NIPA2: variants seen among roughly 807,000 people sequenced by gnomAD.
NIPA2 encodes magnesium transporter NIPA2.
In NIPA2, 11 loss-of-function variants were observed where a neutral mutation model predicts 29.7. That is an observed-to-expected ratio of 0.37 (90% CI 0.23 to 0.61). The LOEUF is 0.61. Ranked by LOEUF, NIPA2 falls within the 20% of genes least tolerant of loss-of-function variation. The pLI, the probability that NIPA2 is intolerant of heterozygous loss-of-function variation, is 0.66. For missense variants in NIPA2, 426 were observed against 437.9 expected (o/e 0.97, Z 0.24); for synonymous variants, 183 against 161.9 (o/e 1.13, Z -0.99).
chr15:22,866,175 A>T (rs2059054840), intron 7 of NIPA2, 38 bp from the exon 8 acceptor site: 39 of 1,567,200 alleles, frequency 2.5e-5, no homozygotes, highest in Non-Finnish European at 3.4e-5. Context: ...AGAACAACCA[A>T]CCATTTGACT....
At position 22,867,916 on chromosome 15, in the gene NIPA2, C is replaced by T. The variant is rs1268532210; in HGVS notation, c.*1069C>T. 1 of 152,194 alleles carries T rather than the reference C, an allele frequency of 6.6e-6. No individual in the cohort carries two copies. Among genetic ancestry groups the T allele is most frequent in the East Asian group, 1.9e-4 (1 of 5,200 alleles). The allele number at this position is 152,194 out of a possible 1,614,324, so 9.4% of individuals were successfully genotyped here. On this transcript the variant is annotated 3_prime_UTR_variant, in exon 8 of 8. Transcript: ENST00000337451. ...GAAAAGGTAGAATAATAAAAAAGGT[C>T]TAATGAACTCCATTCAGCTTTGAAC...
rs538336307 is a variant in NIPA2, at chr15:22,851,675, G to A, written c.-57G>A. ...GCTTCATTCTGCCTCTAGTACCAGC[G>A]GTTTCTCTGTTCTGTGATCAATGTG... On this transcript the variant is annotated 5_prime_UTR_variant, in exon 4 of 8. Transcript: ENST00000337451. The A allele has an allele frequency of 9.6e-6, 14 of 1,463,482 alleles. No individual in the cohort carries two copies. The highest frequency in any genetic ancestry group is 2.3e-5 in the East Asian group (1 of 43,434). 90.7% of individuals were successfully genotyped at this position (1,463,482 alleles called of 1,614,324 possible).
At position 22,866,806 on chromosome 15, in the gene NIPA2, G is replaced by GAAA; in HGVS notation, c.1044_1046dup (p.Glu348_Asn349insLys). ...CTGTGGAATCGAACAACACACTGGT[G>GAAA]AAAATGTCTCCCGAAGAAATGGAAA... On this transcript the variant is annotated inframe_insertion, in exon 8 of 8. Coordinates refer to ENST00000337451, the MANE Select transcript of NIPA2 (RefSeq NM_030922.7). 9 of 1,602,864 alleles carry GAAA rather than the reference G, an allele frequency of 5.6e-6. No individual in the cohort carries two copies. Among genetic ancestry groups the GAAA allele is most frequent in the Non-Finnish European group, 7.7e-6 (9 of 1,173,752 alleles).
chr15:22,860,650 T>C lies in NIPA2; in HGVS notation c.309T>C (p.Phe103=). The C allele has an allele frequency of 6.3e-7, 1 of 1,576,894 alleles. No individual in the cohort carries two copies. The highest frequency in any genetic ancestry group is 8.6e-7 in the Non-Finnish European group (1 of 1,168,056). Residue 103 remains phenylalanine (F), a synonymous_variant, in exon 7 of 8, where the codon TTT becomes TTC. Transcript: ENST00000337451. Reference sequence around the variant, plus strand: ...TTAGTGCCATTCTTTCTTCATACTTTCTCAATGAAAGACTTAATCTTCATG... The same window carrying C: ...TTAGTGCCATTCTTTCTTCATACTTCCTCAATGAAAGACTTAATCTTCATG... ...VLVSAILSSY[F]LNERLNLHGK... is the part of the protein sequence containing the mutation.
chr15:22,855,772 G>A (rs1007396971), intron 5 of NIPA2, among the ~76,000 whole-genome samples: 15 of 152,100 alleles, frequency 9.9e-5, no homozygotes, highest in African/African-American at 2.9e-4. Flanking sequence ...TAAAGGAAGC[G>A]AGTGATCTGC....
At chr15:22,857,580 T>G (rs1366959355) in intron 5 of NIPA2, among the ~76,000 whole-genome samples, 2 of 151,856 alleles carry the variant, frequency 1.3e-5, no homozygotes, top group African/African-American at 4.8e-5. Context: ...CTCACGCCTA[T>G]AATCCCAGCA....
chr15:22,846,842 T>TAATAAG (rs149827404), intron 3 of NIPA2, among the ~76,000 whole-genome samples: 1 of 141,480 alleles, frequency 7.1e-6, no homozygotes, highest in Non-Finnish European at 1.5e-5. Flanking sequence ...ATAATAATAA[T>TAATAAG]TATTATTATT....
intron 2 of NIPA2, among the ~76,000 whole-genome samples, chr15:22,841,373 C>G (rs772278310): frequency 2.0e-5 from 3 of 152,184 alleles, no homozygotes; most frequent in Non-Finnish European, 2.9e-5. Flanking sequence ...GAAGTTGAAA[C>G]AGAACTACTT....
intron 5 of NIPA2, 45 bp downstream of exon 5, chr15:22,853,313 TA>T (rs752345301): frequency 5.4e-5 from 66 of 1,231,608 alleles, no homozygotes; most frequent in Non-Finnish European, 5.0e-5. Flanking sequence ...AGCTATATAT[TA>T]AAATATTTGC....
intron 1 of NIPA2, chr15:22,839,176 T>G (rs1896328235): frequency 6.6e-6 from 1 of 152,160 alleles, no homozygotes; most frequent in South Asian, 2.1e-4. Context: ...TTTGTCTTGG[T>G]GAGTTTTAGA....
chr15:22,844,202 T>C (rs1051463093), intron 2 of NIPA2, among the ~76,000 whole-genome samples: 10 of 152,378 alleles, frequency 6.6e-5, no homozygotes, highest in African/African-American at 2.4e-4. Context: ...ATTTATTCCA[T>C]TTTTGACATG....
chr15:22,866,795 A>AACAC lies in NIPA2; in HGVS notation c.1034_1037dup (p.Gly347HisfsTer3), dbSNP rs1566881578. 1.9e-6 allele frequency: 3 copies of AACAC among 1,608,654 alleles called. No homozygotes were observed. In the Admixed American group the frequency reaches 5.1e-5, roughly 27 times the overall value. On this transcript the variant is annotated frameshift_variant, in exon 8 of 8. Transcript: ENST00000337451. LOFTEE classifies it high-confidence loss of function. ...GAAAGCTTAACCTGTGGAATCGAAC[A>AACAC]ACACACTGGTGAAAATGTCTCCCGA... is the stretch of plus-strand genomic sequence containing the variant.
Position 22,867,436 on chromosome 15 carries a change from A to G in NIPA2, c.*589A>G, listed in dbSNP as rs1262549738. 1.4e-5 allele frequency: 5 copies of G among 363,946 alleles called. No homozygotes were observed. Among genetic ancestry groups the G allele is most frequent in the Non-Finnish European group, 1.9e-5 (4 of 205,678 alleles). The allele number at this position is 363,946 out of a possible 1,614,324, so 22.5% of individuals were successfully genotyped here. ...CCCCAAGGAACGATTTCTCAGGTTG[A>G]GATGATCACCGTGAATCCGGCTTCC... On this transcript the variant is annotated 3_prime_UTR_variant, in exon 8 of 8. Coordinates refer to ENST00000337451, the MANE Select transcript of NIPA2 (RefSeq NM_030922.7).
At chr15:22,847,447 A>G (rs562395750) in intron 3 of NIPA2, among the ~76,000 whole-genome samples, 1 of 152,140 alleles carries the variant, frequency 6.6e-6, no homozygotes, top group South Asian at 2.1e-4. Flanking sequence ...GAAGACAAAG[A>G]TTAAAGGAGG....
At chr15:22,855,129 T>C (rs1252046721) in intron 5 of NIPA2, among the ~76,000 whole-genome samples, 1 of 152,038 alleles carries the variant, frequency 6.6e-6, no homozygotes, top group Non-Finnish European at 1.5e-5. Flanking sequence ...AAAATTATTC[T>C]GGGCCGGGCG....
At chr15:22,851,022 C>T (rs1445826554) in intron 3 of NIPA2, among the ~76,000 whole-genome samples, 2 of 152,146 alleles carry the variant, frequency 1.3e-5, no homozygotes, top group Admixed American at 6.6e-5. Context: ...TGTCTGGCCT[C>T]GAGGATTGAG....
Position 22,867,421 on chromosome 15 carries a change from C to G in NIPA2, c.*574C>G. The G allele has an allele frequency of 2.7e-6, 1 of 371,224 alleles. No homozygotes were observed. The highest frequency in any genetic ancestry group is 4.8e-6 in the Non-Finnish European group (1 of 210,046). 23.0% of individuals were successfully genotyped at this position (371,224 alleles called of 1,614,324 possible). On this transcript the variant is annotated 3_prime_UTR_variant, in exon 8 of 8. Coordinates refer to ENST00000337451, the MANE Select transcript of NIPA2 (RefSeq NM_030922.7). Reference sequence around the variant, plus strand: ...AAAGGGCAGAAATCACCCCAAGGAACGATTTCTCAGGTTGAGATGATCACC... The same window carrying G: ...AAAGGGCAGAAATCACCCCAAGGAAGGATTTCTCAGGTTGAGATGATCACC...
At chr15:22,859,578 C>T (rs1349632611) in intron 6 of NIPA2, among the ~76,000 whole-genome samples, 1 of 152,192 alleles carries the variant, frequency 6.6e-6, no homozygotes, top group East Asian at 1.9e-4. Flanking sequence ...AGGCGTGAGC[C>T]ACTGTGCCCG....
chr15:22,859,048 C>T (rs1003905888), intron 6 of NIPA2, among the ~76,000 whole-genome samples: 1 of 151,900 alleles, frequency 6.6e-6, no homozygotes. Flanking sequence ...GTGGCGGGCA[C>T]CTGTAGTCCC....
Sources: allele counts gnomAD v4.1 joint callset (sites outside exome capture counted in the v4.1 genomes callset), GRCh38; gene constraint gnomAD v4.1.1; transcripts MANE v1.5; gene names NCBI Gene and HGNC (gene_info 2026-07-23, HGNC 2026-07-21).